The following NCKAP5 variants were observed in gnomAD, a reference collection of about 807,000 sequenced individuals.
The protein encoded by NCKAP5 is nck-associated protein 5.
In NCKAP5, 92 loss-of-function variants were observed where a neutral mutation model predicts 167.0. That is an observed-to-expected ratio of 0.55 (90% CI 0.47 to 0.66). The LOEUF (loss-of-function observed/expected upper bound fraction) is 0.66. NCKAP5 is among the 30% of genes least tolerant of loss of function. NCKAP5 has a pLI of 0.00. For missense variants in NCKAP5, 2,378 were observed against 2,315.0 expected, an observed-to-expected ratio of 1.03 and a Z score of -0.56; for synonymous variants, 891 against 877.4, an observed-to-expected ratio of 1.02 and a Z score of -0.27.
chr2:132,733,301 C>T (rs114883362), intron 16 of NCKAP5, among the ~76,000 whole-genome samples: 1 of 152,106 alleles, frequency 6.6e-6, no homozygotes. Flanking sequence ...ACTGGGTAAG[C>T]GGAACAACTT....
At chr2:132,789,481 T>C (rs1313018138) in intron 13 of NCKAP5, among the ~76,000 whole-genome samples, 1 of 152,196 alleles carries the variant, frequency 6.6e-6, no homozygotes, top group East Asian at 1.9e-4. Context: ...TTCTGGATTT[T>C]TCTTGGTTTC....
At chr2:133,548,031 A>T (rs1392610281) in intron 2 of NCKAP5, among the ~76,000 whole-genome samples, 1 of 145,956 alleles carries the variant, frequency 6.9e-6, no homozygotes, top group Non-Finnish European at 1.5e-5. Context: ...AGAAGTGCTT[A>T]AAGGAGCTGA....
chr2:133,266,736 G>C (rs1349075752), intron 4 of NCKAP5, among the ~76,000 whole-genome samples: 1 of 152,212 alleles, frequency 6.6e-6, no homozygotes, highest in Non-Finnish European at 1.5e-5. Flanking sequence ...TCCGCCGCCA[G>C]TCCCCCTGCG....
At chr2:132,714,852 G>A (rs949905468) in intron 19 of NCKAP5, 14 of 454,450 alleles carry the variant, frequency 3.1e-5, no homozygotes, top group East Asian at 7.0e-5. Flanking sequence ...CACAGCCAGC[G>A]CTGAAACCCA....
At chr2:133,161,673 C>A (rs562929914) in intron 5 of NCKAP5, among the ~76,000 whole-genome samples, 4 of 152,322 alleles carry the variant, frequency 2.6e-5, no homozygotes, top group African/African-American at 9.6e-5. Flanking sequence ...TTTCTCCCAG[C>A]CCATGAATTT....
At chr2:133,278,432 AC>A (rs1204973917) in intron 4 of NCKAP5, among the ~76,000 whole-genome samples, 1 of 151,892 alleles carries the variant, frequency 6.6e-6, no homozygotes, top group African/African-American at 2.4e-5. Flanking sequence ...TATGTCTCTT[AC>A]CCTTTTCTGT....
chr2:133,291,456 G>A (rs565224230), intron 4 of NCKAP5, among the ~76,000 whole-genome samples: 1 of 152,156 alleles, frequency 6.6e-6, no homozygotes, highest in Non-Finnish European at 1.5e-5. Flanking sequence ...GCAGAGGGCT[G>A]CAACCAAAGC....
At chr2:133,413,903 C>T (rs1348748102) in intron 3 of NCKAP5, among the ~76,000 whole-genome samples, 1 of 152,150 alleles carries the variant, frequency 6.6e-6, no homozygotes, top group East Asian at 1.9e-4. Context: ...TATAGAGGGA[C>T]GGAGTTAAAG....
chr2:133,572,419 C>T (rs6730947), upstream of NCKAP5, among the ~76,000 whole-genome samples: 79 of 152,288 alleles, frequency 5.2e-4, no homozygotes, highest in African/African-American at 1.8e-3. Context: ...AAGTCATAGG[C>T]ATGAAAGACA....
At chr2:133,095,885 T>C (rs1267169942) in intron 6 of NCKAP5, among the ~76,000 whole-genome samples, 1 of 152,106 alleles carries the variant, frequency 6.6e-6, no homozygotes. Flanking sequence ...ATATCAGCAA[T>C]CTTACAAACA....
chr2:133,057,218 T>C (rs1230512585), intron 6 of NCKAP5, among the ~76,000 whole-genome samples: 1 of 152,172 alleles, frequency 6.6e-6, no homozygotes, highest in Non-Finnish European at 1.5e-5. Flanking sequence ...TCCCAATTAA[T>C]TGAGACATAA....
the NCKAP5 span, among the ~76,000 whole-genome samples, chr2:133,598,597 G>C: frequency 1.3e-5 from 2 of 152,176 alleles, no homozygotes; most frequent in African/African-American, 4.8e-5. Context: ...CAGGGGCCCA[G>C]TTGCTTTAAG....
chr2:132,989,041 T>C (rs2077377730), intron 7 of NCKAP5, among the ~76,000 whole-genome samples: 1 of 152,212 alleles, frequency 6.6e-6, no homozygotes, highest in Non-Finnish European at 1.5e-5. Flanking sequence ...ATGAGTTAGC[T>C]AATGTGATTC....
intron 11 of NCKAP5, among the ~76,000 whole-genome samples, chr2:132,808,809 G>A (rs2105250680): frequency 6.6e-6 from 1 of 151,920 alleles, no homozygotes; most frequent in South Asian, 2.1e-4. Flanking sequence ...CTACTGCTGG[G>A]TTTGAGTTTG....
At chr2:133,236,950 T>A (rs144830485) in intron 4 of NCKAP5, among the ~76,000 whole-genome samples, 1 of 152,140 alleles carries the variant, frequency 6.6e-6, no homozygotes, top group African/African-American at 2.4e-5. Flanking sequence ...CTCCTCTCCA[T>A]GTCAAGTTAA....
intron 16 of NCKAP5, among the ~76,000 whole-genome samples, chr2:132,743,445 G>A (rs1679377712): frequency 6.6e-6 from 1 of 151,626 alleles, no homozygotes; most frequent in Non-Finnish European, 1.5e-5. Context: ...TATGAAAATA[G>A]CCTGTAACAT....
chr2:133,232,929 A>G (rs571268939), intron 4 of NCKAP5, among the ~76,000 whole-genome samples: 2 of 152,346 alleles, frequency 1.3e-5, no homozygotes, highest in South Asian at 4.1e-4. Flanking sequence ...TATAGATGAA[A>G]AAGAAATGTT....
intron 8 of NCKAP5, 106 bp from the exon 9 acceptor site, chr2:132,879,022 A>ATCTT (rs1691544555): frequency 4.7e-6 from 4 of 859,586 alleles, no homozygotes; most frequent in Middle Eastern, 2.2e-4. Context: ...ATCCAAAACA[A>ATCTT]TCTTTTAGAA....
intron 19 of NCKAP5, among the ~76,000 whole-genome samples, chr2:132,675,054 G>A (rs1022807876): frequency 2.6e-5 from 4 of 152,176 alleles, no homozygotes; most frequent in African/African-American, 9.7e-5. Context: ...TTACCTGGAT[G>A]TCTTCTCCAT....
Sources: allele counts gnomAD v4.1 joint callset (sites outside exome capture counted in the v4.1 genomes callset), GRCh38; gene constraint gnomAD v4.1.1; transcripts MANE v1.5; gene names NCBI Gene and HGNC (gene_info 2026-07-23, HGNC 2026-07-21).